Variants in DLGAP3 observed in about 807,000 individuals in gnomAD.
The protein encoded by DLGAP3 is disks large-associated protein 3.
In DLGAP3, 17 loss-of-function variants were observed where a neutral mutation model predicts 81.2. The observed-to-expected ratio is 0.21, with a 90% CI of 0.14 to 0.31. The LOEUF (loss-of-function observed/expected upper bound fraction) is 0.31. DLGAP3 is among the 10% of genes least tolerant of loss of function. The pLI is 1.00. For synonymous variants in DLGAP3, 577 were observed against 587.4 expected (o/e 0.98, Z 0.26); for missense variants, 1,124 against 1,388.0 (o/e 0.81, Z 3.02).
chr1:34,904,634 A>T lies in DLGAP3; in HGVS notation c.750T>A (p.Asp250Glu). Reference protein sequence around the residue: ...KRSKSKDRKGDGRHQAKSTGW... With the variant: ...KRSKSKDRKGEGRHQAKSTGW... ...CTGTGGACTTGGCCTGGTGCCGCCC[A>T]TCCCCCTTGCGGTCCTTGCTCTTGC... The change falls in exon 3 of 12, where the codon GAT becomes GAA. Residue 250 changes from aspartate to glutamate, a missense_variant. Physicochemically the swap from Asp to Glu is conservative, Grantham distance 45 (BLOSUM62 2). Coordinates refer to ENST00000373347, the MANE Select transcript of DLGAP3 (RefSeq NM_001080418.3). This position sits in a 1 kb window ranked among gnomAD's most constrained non-coding sequence, Gnocchi z 8.1. 1 of 1,614,090 alleles carries T rather than the reference A, an allele frequency of 6.2e-7. No individual in the cohort carries two copies. Among genetic ancestry groups the T allele is most frequent in the Non-Finnish European group, 8.5e-7 (1 of 1,180,014 alleles).
chr1:34,900,417 G>C lies in DLGAP3; in HGVS notation c.1108-144C>G. Reference sequence around the variant, plus strand: ...ACATGCAGAGGCAGAAGGGGAGGTAGGGTCTCAGGCTGTCCCCGTCCCTTA... The same window carrying C: ...ACATGCAGAGGCAGAAGGGGAGGTACGGTCTCAGGCTGTCCCCGTCCCTTA... On this transcript the variant is annotated intron_variant, in intron 3 of 11. Transcript: ENST00000373347. The surrounding 1 kb of genome is among the most constrained non-coding windows in gnomAD (Gnocchi z 5.6). The C allele has an allele frequency of 1.2e-6, 1 of 847,576 alleles. No individual in the cohort carries two copies. Among genetic ancestry groups the C allele is most frequent in the Non-Finnish European group, 1.9e-6 (1 of 517,218 alleles). The allele number at this position is 847,576 out of a possible 1,614,324, so 52.5% of individuals were successfully genotyped here. A position where few individuals can be genotyped will look rare whatever the true frequency, so the allele number is the denominator to read the frequency against.
chr1:34,899,619 C>A (rs761510006), intron 5 of DLGAP3, 50 bp downstream of exon 5: 3 of 1,464,528 alleles, frequency 2.0e-6, no homozygotes, highest in Non-Finnish European at 2.9e-6. Flanking sequence ...GAGCATGGGA[C>A]TGAATCCCTT....
At chr1:34,885,198 G>C in intron 7 of DLGAP3, 135 bp from the exon 8 acceptor site, 1 of 919,228 alleles carries the variant, frequency 1.1e-6, no homozygotes, top group Non-Finnish European at 1.7e-6. Flanking sequence ...AACAAGATGA[G>C]AGACCCAGGC....
chr1:34,896,944 A>G (rs7527088), intron 5 of DLGAP3, among the ~76,000 whole-genome samples: 6,671 of 152,206 alleles, frequency 0.044, 531 homozygotes, highest in African/African-American at 0.15. Context: ...GGGTAATCAC[A>G]GATAATCTGT....
intron 1 of DLGAP3, among the ~76,000 whole-genome samples, chr1:34,912,984 G>A (rs998326689): frequency 1.3e-5 from 2 of 152,166 alleles, no homozygotes; most frequent in Non-Finnish European, 2.9e-5. Context: ...GATCTCTGTA[G>A]TTGGGCTGGT....
intron 7 of DLGAP3, 56 bp downstream of exon 7, chr1:34,885,422 C>G (rs1245829250): frequency 6.3e-7 from 1 of 1,578,292 alleles, no homozygotes; most frequent in Non-Finnish European, 8.6e-7. Flanking sequence ...CAGCCCCTCA[C>G]CCCAGCCCCG....
At chr1:34,898,410 T>C (rs1639407371) in intron 5 of DLGAP3, among the ~76,000 whole-genome samples, 1 of 152,160 alleles carries the variant, frequency 6.6e-6, no homozygotes, top group Non-Finnish European at 1.5e-5. Context: ...ATGTGGCTGA[T>C]GGGTGAGGTA....
Position 34,889,505 on chromosome 1 carries a change from C to T in DLGAP3, c.1387-3220G>A, listed in dbSNP as rs537806882. Among the ~76,000 whole-genome samples, 85 of 152,308 alleles carry T rather than the reference C, an allele frequency of 5.6e-4. 1 individual carries two copies. The South Asian group carries it at 0.016, about 29-fold the overall frequency. On this transcript the variant is annotated intron_variant, in intron 5 of 11. Coordinates refer to ENST00000373347, the MANE Select transcript of DLGAP3 (RefSeq NM_001080418.3). Reference sequence around the variant, plus strand: ...TACAGGAGACTCAAAGTCAAAGAATCCTCTTGGGATGAGATCCTTAGCCTT... The same window carrying T: ...TACAGGAGACTCAAAGTCAAAGAATTCTCTTGGGATGAGATCCTTAGCCTT...
At position 34,904,737 on chromosome 1, in the gene DLGAP3, G is replaced by A; in HGVS notation, c.647C>T (p.Ser216Phe). The A allele has an allele frequency of 6.2e-7, 1 of 1,612,284 alleles. No homozygotes were observed. The highest frequency in any genetic ancestry group is 8.5e-7 in the Non-Finnish European group (1 of 1,180,014). ...SGGDSYPGPG[S>F]GGPHTSHHHH... ...GTGATGGGAGGTGTGGGGGCCTCCAGAGCCCGGGCCGGGGTAGCTGTCTCC... is the reference window on the plus strand; with the variant it reads ...GTGATGGGAGGTGTGGGGGCCTCCAAAGCCCGGGCCGGGGTAGCTGTCTCC... The change falls in exon 3 of 12, where the codon TCT becomes TTT. Residue 216 changes from serine (S) to phenylalanine (F), a missense_variant. Ser to Phe is a radical substitution (Grantham distance 155, BLOSUM62 -2). This residue lies in a region of DLGAP3 where 357 missense variants were observed against 408.8 expected (regional missense o/e 0.87). Transcript: ENST00000373347. This position sits in a 1 kb window ranked among gnomAD's most constrained non-coding sequence, Gnocchi z 8.1.
At chr1:34,901,297 C>A (rs1002536628) in intron 3 of DLGAP3, among the ~76,000 whole-genome samples, 4 of 151,958 alleles carry the variant, frequency 2.6e-5, no homozygotes, top group African/African-American at 9.7e-5. Context: ...GGAAGAGGAG[C>A]CTGTGAAGTC....
intron 3 of DLGAP3, among the ~76,000 whole-genome samples, chr1:34,903,156 C>G (rs1316797526): frequency 6.6e-6 from 1 of 152,218 alleles, no homozygotes; most frequent in Non-Finnish European, 1.5e-5. Context: ...CTTCCCAATA[C>G]ACGTTTAGCC....
intron 1 of DLGAP3, among the ~76,000 whole-genome samples, chr1:34,919,632 T>C (rs1056703728): frequency 9.2e-5 from 14 of 151,894 alleles, no homozygotes; most frequent in African/African-American, 3.4e-4. Flanking sequence ...ATACAAAAAT[T>C]AGTCGGGCGT....
At chr1:34,916,676 ATTTTATTTTATTTTAT>A (rs1557502138) in intron 1 of DLGAP3, among the ~76,000 whole-genome samples, 1 of 146,486 alleles carries the variant, frequency 6.8e-6, no homozygotes, top group East Asian at 2.0e-4. Context: ...ATTTTATTTT[ATTTTATTTTATTTTAT>A]TTTATTTTAT....
chr1:34,908,740 G>T lies in DLGAP3; in HGVS notation c.-134-1303C>A, dbSNP rs1639595318. On this transcript the variant is annotated intron_variant, in intron 1 of 11. Transcript: ENST00000373347. The stretch of plus-strand genomic sequence containing the variant: ...TGTGGTTTCCTAGAAATCTTCCATA[G>T]AGGACAAGGTGAGACATACCCAGCC... Among the ~76,000 whole-genome samples the T allele has an allele frequency of 5.9e-5, 9 of 152,282 alleles. 1 individual carries two copies. In the South Asian group the frequency reaches 1.9e-3, roughly 32 times the overall value.
chr1:34,896,256 CAAA>C (rs983666470), intron 5 of DLGAP3, among the ~76,000 whole-genome samples: 2 of 151,260 alleles, frequency 1.3e-5, no homozygotes, highest in African/African-American at 2.4e-5. Context: ...TTTTTGTTGC[CAAA>C]AAAAAGAAGA....
chr1:34,866,781 G>A (rs35035273), intron 11 of DLGAP3, among the ~76,000 whole-genome samples: 61,258 of 151,540 alleles, frequency 0.4, 13,452 homozygotes, highest in East Asian at 0.96. Flanking sequence ...TGCAGCCGCC[G>A]CCACCCCCCC....
intron 8 of DLGAP3, among the ~76,000 whole-genome samples, chr1:34,871,135 T>TCCCCTG (rs1638972785): frequency 6.6e-6 from 1 of 151,972 alleles, no homozygotes; most frequent in Admixed American, 6.5e-5. Context: ...GCCAAGTCAT[T>TCCCCTG]CCCCTGCTCA....
chr1:34,901,469 A>G (rs1473467043), intron 3 of DLGAP3, among the ~76,000 whole-genome samples: 1 of 152,202 alleles, frequency 6.6e-6, no homozygotes, highest in Non-Finnish European at 1.5e-5. Context: ...TCCATGTGCA[A>G]TTCTGGCCCC....
intron 2 of DLGAP3, among the ~76,000 whole-genome samples, chr1:34,906,182 G>C (rs2148413564): frequency 6.6e-6 from 1 of 150,798 alleles, no homozygotes; most frequent in South Asian, 2.1e-4. Context: ...GTGTGTGTAT[G>C]TGTGTGAATA....
Sources: gnomAD v4.1 joint callset for allele counts (sites outside exome capture counted in the v4.1 genomes callset) on GRCh38, gnomAD v4.1.1 for gene constraint, gnomAD v4.1.1 regional missense constraint, Gnocchi (gnomAD v3.1) non-coding constraint, MANE v1.5 for transcripts, NCBI Gene and HGNC (gene_info 2026-07-23, HGNC 2026-07-21) for gene names.